Variants in CAMTA1 observed in about 807,000 individuals in gnomAD.
CAMTA1 encodes calmodulin-binding transcription activator 1.
In CAMTA1, 27 loss-of-function variants were observed where a neutral mutation model predicts 170.9. The observed-to-expected ratio is 0.16, with a 90% CI of 0.12 to 0.22. CAMTA1 has a LOEUF of 0.22. Ranked by LOEUF, CAMTA1 falls within the 10% of genes least tolerant of loss-of-function variation. The pLI is 1.00. For missense variants in CAMTA1, 1,619 were observed against 2,217.2 expected (o/e 0.73, Z 5.42); for synonymous variants, 833 against 891.5 (o/e 0.93, Z 1.17).
At chr1:7,240,688 T>G (rs1429202841) in intron 4 of CAMTA1, among the ~76,000 whole-genome samples, 1 of 151,996 alleles carries the variant, frequency 6.6e-6, no homozygotes, top group Non-Finnish European at 1.5e-5. Context: ...CACTTTGTTG[T>G]AGAGACAGGG....
chr1:7,105,631 G>A (rs1643501344), intron 4 of CAMTA1, among the ~76,000 whole-genome samples: 1 of 152,174 alleles, frequency 6.6e-6, no homozygotes, highest in Non-Finnish European at 1.5e-5. Context: ...AGGTGCATAT[G>A]CCTCAAAGTT....
intron 3 of CAMTA1, among the ~76,000 whole-genome samples, chr1:6,989,051 G>T (rs1695880348): frequency 6.6e-6 from 1 of 152,200 alleles, no homozygotes; most frequent in African/African-American, 2.4e-5. Flanking sequence ...TGATAAGGCA[G>T]GAGGGGCAGG....
At chr1:6,864,401 A>G (rs1267194752) in intron 3 of CAMTA1, among the ~76,000 whole-genome samples, 3 of 152,102 alleles carry the variant, frequency 2.0e-5, no homozygotes, top group African/African-American at 4.8e-5. Context: ...CCAGATGCCA[A>G]TGTGGTCCTT....
intron 6 of CAMTA1, among the ~76,000 whole-genome samples, chr1:7,554,887 A>G (rs926142784): frequency 6.6e-6 from 1 of 151,972 alleles, no homozygotes; most frequent in Non-Finnish European, 1.5e-5. Context: ...CCCAAGCCAG[A>G]TGGTGGGGGC....
intron 3 of CAMTA1, among the ~76,000 whole-genome samples, chr1:6,967,780 A>G (rs959818705): frequency 2.6e-5 from 4 of 152,222 alleles, no homozygotes; most frequent in African/African-American, 9.6e-5. Context: ...TGGAGGAGGC[A>G]CAGTGGGCTT....
chr1:7,181,279 A>T (rs1652101414), intron 4 of CAMTA1, among the ~76,000 whole-genome samples: 1 of 152,218 alleles, frequency 6.6e-6, no homozygotes, highest in Non-Finnish European at 1.5e-5. Flanking sequence ...TAAAGTCAGG[A>T]TGCTTGTTGA....
At chr1:7,497,769 G>A (rs992736371) in intron 6 of CAMTA1, among the ~76,000 whole-genome samples, 3 of 152,194 alleles carry the variant, frequency 2.0e-5, no homozygotes, top group Non-Finnish European at 2.9e-5. Context: ...GAGAGCAGAC[G>A]GACTGGAGTG....
intron 7 of CAMTA1, among the ~76,000 whole-genome samples, chr1:7,644,000 T>C (rs890252227): frequency 1.6e-4 from 24 of 152,214 alleles, no homozygotes; most frequent in African/African-American, 5.3e-4. Context: ...ATTAGCTTCA[T>C]CCCATTTTCA....
In CAMTA1 at chr1:7,108,385, A is replaced by T. The variant is rs144530359; in HGVS notation, c.302+17014A>T. 1.8e-3 allele frequency among the ~76,000 whole-genome samples: 280 copies of T among 152,284 alleles called. 1 individual carries two copies. The highest frequency in any genetic ancestry group is 6.5e-3 in the African/African-American group (269 of 41,562). ...GCTTAGTGTCATTGGTGTATTCATG[A>T]TGATGATCTCCCCAGGAATCTGTTC... On this transcript the variant is annotated intron_variant, in intron 4 of 22. Transcript: ENST00000303635.
At position 7,664,307 on chromosome 1, in the gene CAMTA1, G is replaced by A; in HGVS notation, c.1760G>A (p.Ser587Asn). Reference sequence around the variant, plus strand: ...ACCACCCTGGAGCAGATGGACTTCAGCGCCATCGACTCCAACAAGGACTAC... The same window carrying A: ...ACCACCCTGGAGCAGATGGACTTCAACGCCATCGACTCCAACAAGGACTAC... ...PSTTLEQMDF[S>N]AIDSNKDYTS... Residue 587 changes from serine to asparagine, a missense_variant, in exon 9 of 23, where the codon AGC becomes AAC. Ser to Asn is a conservative substitution (Grantham distance 46). Coordinates refer to ENST00000303635, the MANE Select transcript of CAMTA1 (RefSeq NM_015215.4). 6.2e-7 allele frequency: 1 copy of A among 1,613,206 alleles called. No homozygotes were observed. The highest frequency in any genetic ancestry group is 8.5e-7 in the Non-Finnish European group (1 of 1,180,008).
At chr1:7,122,423 G>T (rs577224053) in intron 4 of CAMTA1, among the ~76,000 whole-genome samples, 1 of 152,012 alleles carries the variant, frequency 6.6e-6, no homozygotes, top group African/African-American at 2.4e-5. Flanking sequence ...CGTAGGGGGT[G>T]CCTGGCGATC....
chr1:7,139,527 C>T (rs1393046767), intron 4 of CAMTA1, among the ~76,000 whole-genome samples: 1 of 151,956 alleles, frequency 6.6e-6, no homozygotes, highest in Non-Finnish European at 1.5e-5. Flanking sequence ...AAGAGCCCCT[C>T]CCTGGAAAGT....
chr1:7,602,635 T>C (rs574399189), intron 6 of CAMTA1, among the ~76,000 whole-genome samples: 61 of 152,292 alleles, frequency 4.0e-4, no homozygotes, highest in African/African-American at 1.4e-3. Context: ...TTTTGAAGGG[T>C]TTTTTGTGTC....
intron 3 of CAMTA1, among the ~76,000 whole-genome samples, chr1:7,066,323 C>T (rs959377011): frequency 8.5e-5 from 13 of 152,200 alleles, no homozygotes; most frequent in African/African-American, 3.1e-4. Context: ...CTCAGGTGGG[C>T]TGGCTATGCA....
At chr1:7,607,210 T>A (rs1020059903) in intron 6 of CAMTA1, among the ~76,000 whole-genome samples, 1 of 146,936 alleles carries the variant, frequency 6.8e-6, no homozygotes, top group Non-Finnish European at 1.5e-5. Context: ...GGTAGGTGGA[T>A]GGATGGAAGA....
rs185290656 is a variant in CAMTA1 at position 7,319,610 on chromosome 1, G to A, written c.438+69984G>A. Among the ~76,000 whole-genome samples, 3 of 152,220 alleles carry A rather than the reference G, an allele frequency of 2.0e-5. No individual in the cohort carries two copies. In the East Asian group the frequency reaches 5.8e-4, roughly 29 times the overall value. On this transcript the variant is annotated intron_variant, in intron 5 of 22. Transcript: ENST00000303635. ...CTATTTTTTATGGCAGTGCAAGAATGGACTAATATGGCTAGTAAGGAGGAA... is the reference window on the plus strand; with the variant it reads ...CTATTTTTTATGGCAGTGCAAGAATAGACTAATATGGCTAGTAAGGAGGAA...
intron 5 of CAMTA1, among the ~76,000 whole-genome samples, chr1:7,339,681 C>G (rs185890925): frequency 7.5e-4 from 114 of 152,216 alleles, no homozygotes; most frequent in African/African-American, 2.6e-3. Context: ...CAGCTCACCT[C>G]CACCTCCCAG....
At position 7,682,505 on chromosome 1, in the gene CAMTA1, C is replaced by A. The variant is rs1236900857; in HGVS notation, c.2914+4772C>A. ...CTGGGGCAGCCCCTAGCTCTGCCCCCACTTCGGAGCTGCCACCTTAGGTGT... is the reference window on the plus strand; with the variant it reads ...CTGGGGCAGCCCCTAGCTCTGCCCCAACTTCGGAGCTGCCACCTTAGGTGT... On this transcript the variant is annotated intron_variant, in intron 11 of 22. Coordinates refer to ENST00000303635, the MANE Select transcript of CAMTA1 (RefSeq NM_015215.4). The surrounding 1 kb of genome is among the most constrained non-coding windows in gnomAD (Gnocchi z 5.0). Among the ~76,000 whole-genome samples the A allele has an allele frequency of 2.0e-5, 3 of 152,264 alleles. No individual in the cohort carries two copies. Among genetic ancestry groups the A allele is most frequent in the African/African-American group, 7.2e-5 (3 of 41,476 alleles).
chr1:7,478,618 G>A (rs2093462840), intron 6 of CAMTA1, among the ~76,000 whole-genome samples: 2 of 152,200 alleles, frequency 1.3e-5, no homozygotes, highest in Non-Finnish European at 2.9e-5. Context: ...GTCGGCAGAG[G>A]GGTTTATGCC....
Sources: allele counts gnomAD v4.1 joint callset (sites outside exome capture counted in the v4.1 genomes callset), GRCh38; gene constraint gnomAD v4.1.1; non-coding constraint Gnocchi (gnomAD v3.1); transcripts MANE v1.5; gene names NCBI Gene and HGNC (gene_info 2026-07-23, HGNC 2026-07-21).